MEGF6: variants seen among roughly 807,000 people sequenced by gnomAD.
MEGF6 encodes the protein multiple EGF like domains 6.
MEGF6 carries 184 observed loss-of-function variants against 207.1 expected under a neutral mutation model. The ratio of observed to expected loss-of-function variants is 0.89; its 90% CI spans 0.79 to 1.00. The LOEUF (loss-of-function observed/expected upper bound fraction) is 1.00. Among genes scored for constraint, MEGF6 ranks in the 50% least tolerant of loss-of-function variants. The pLI, the probability that MEGF6 is intolerant of heterozygous loss-of-function variation, is 0.00. For synonymous variants in MEGF6, 1,038 were observed against 910.0 expected, an observed-to-expected ratio of 1.14 and a Z score of -2.53; for missense variants, 2,282 against 2,202.9, an observed-to-expected ratio of 1.04 and a Z score of -0.72.
intron 3 of MEGF6, among the ~76,000 whole-genome samples, chr1:3,589,589 G>A (rs562787287): frequency 3.5e-4 from 53 of 152,194 alleles, no homozygotes; most frequent in African/African-American, 1.1e-3. Context: ...ACTTTACTCC[G>A]TAGCATTTCT....
chr1:3,517,551 C>T (rs1454630549), intron 5 of MEGF6, among the ~76,000 whole-genome samples: 5 of 152,356 alleles, frequency 3.3e-5, no homozygotes, highest in Admixed American at 2.0e-4. Context: ...TTTTCGCCAG[C>T]GCTGGGATAT....
chr1:3,612,561 T>C (rs1570263488), upstream of MEGF6, among the ~76,000 whole-genome samples: 1 of 152,234 alleles, frequency 6.6e-6, no homozygotes, highest in Non-Finnish European at 1.5e-5. Context: ...GGGCCAGGTG[T>C]GGCCCCCTCA....
chr1:3,601,036 C>G (rs12097827), intron 2 of MEGF6, among the ~76,000 whole-genome samples: 37 of 152,282 alleles, frequency 2.4e-4, no homozygotes, highest in East Asian at 9.7e-4. Flanking sequence ...AGTGCCCCCC[C>G]CTCCAAGCAG....
intron 4 of MEGF6, among the ~76,000 whole-genome samples, chr1:3,533,260 C>T (rs1398722129): frequency 6.6e-6 from 1 of 152,196 alleles, no homozygotes; most frequent in Non-Finnish European, 1.5e-5. Context: ...AGAGGCCAGC[C>T]CGCCCCCTTG....
At chr1:3,498,133 T>A (rs898957381) in intron 26 of MEGF6, among the ~76,000 whole-genome samples, 5 of 152,156 alleles carry the variant, frequency 3.3e-5, no homozygotes, top group African/African-American at 1.2e-4. Flanking sequence ...ACCACAGGGC[T>A]GGCTGGGGCT....
At chr1:3,499,528 C>T (rs1557719679) in intron 23 of MEGF6, 60 bp downstream of exon 23, 4 of 1,538,840 alleles carry the variant, frequency 2.6e-6, no homozygotes, top group Non-Finnish European at 3.5e-6. Flanking sequence ...AGGGAGTCTC[C>T]TACGGAGGAC....
chr1:3,552,780 G>T (rs896957555), intron 4 of MEGF6, among the ~76,000 whole-genome samples: 1 of 152,146 alleles, frequency 6.6e-6, no homozygotes, highest in Non-Finnish European at 1.5e-5. Flanking sequence ...GGAAAGGGCC[G>T]CTGTGCTCAC....
intron 13 of MEGF6, 48 bp from the exon 14 acceptor site, chr1:3,507,971 C>A: frequency 6.3e-7 from 1 of 1,583,510 alleles, no homozygotes; most frequent in Non-Finnish European, 8.6e-7. Flanking sequence ...CAGCACGACA[C>A]TCTGAGACCC....
At chr1:3,616,160 G>A (rs922275069), upstream of MEGF6, among the ~76,000 whole-genome samples, 9 of 152,210 alleles carry the variant, frequency 5.9e-5, no homozygotes, top group South Asian at 2.1e-4. Context: ...GCGGGCTGGC[G>A]GTTGCACGCT....
chr1:3,624,002 G>A, the MEGF6 span, among the ~76,000 whole-genome samples: 2 of 152,124 alleles, frequency 1.3e-5, no homozygotes, highest in African/African-American at 4.8e-5. Flanking sequence ...TCTCATCCCG[G>A]CGATTCTAAA....
At chr1:3,598,055 G>A (rs999349634) in intron 2 of MEGF6, among the ~76,000 whole-genome samples, 2 of 152,180 alleles carry the variant, frequency 1.3e-5, no homozygotes, top group Admixed American at 6.5e-5. Context: ...AGATGCGCCC[G>A]CCCCGGGCCT....
At chr1:3,602,737 GCCCATGCCAGTGC>G (rs1644180950) in intron 1 of MEGF6, 137 bp from the exon 2 acceptor site, 9 of 1,287,168 alleles carry the variant, frequency 7.0e-6, no homozygotes, top group Non-Finnish European at 8.3e-6. Flanking sequence ...ACGGCACAGT[GCCCATGCCAGTGC>G]CCCAGGCCAG....
At chr1:3,618,556 T>C in the MEGF6 span, among the ~76,000 whole-genome samples, 1 of 152,134 alleles carries the variant, frequency 6.6e-6, no homozygotes, top group Non-Finnish European at 1.5e-5. This position sits in a 1 kb window ranked among gnomAD's most constrained non-coding sequence, Gnocchi z 4.7. Context: ...CCCCTGCTAC[T>C]TCCCCGCAGC....
chr1:3,590,247 G>C (rs1378827659), intron 3 of MEGF6, among the ~76,000 whole-genome samples: 1 of 152,194 alleles, frequency 6.6e-6, no homozygotes, highest in Non-Finnish European at 1.5e-5. Flanking sequence ...CTGCCCACCG[G>C]GGAGCCCGGC....
chr1:3,549,508 G>A (rs189247389), intron 4 of MEGF6, among the ~76,000 whole-genome samples: 129 of 152,354 alleles, frequency 8.5e-4, no homozygotes, highest in African/African-American at 3.0e-3. Flanking sequence ...ATGGGGGGCT[G>A]CCTGGGGGCT....
At chr1:3,549,541 C>T (rs867432667) in intron 4 of MEGF6, among the ~76,000 whole-genome samples, 1 of 152,168 alleles carries the variant, frequency 6.6e-6, no homozygotes, top group Non-Finnish European at 1.5e-5. Context: ...TGGTCATGCT[C>T]GGGTCTGGGC....
rs1051734637 is a variant in MEGF6, at chr1:3,561,556, G to A, written c.481+18269C>T. Among the ~76,000 whole-genome samples the A allele has an allele frequency of 1.1e-4, 17 of 152,182 alleles. 1 individual carries two copies. The highest frequency in any genetic ancestry group is 4.1e-4 in the South Asian group (2 of 4,828). On this transcript the variant is annotated intron_variant, in intron 4 of 36. Coordinates refer to ENST00000356575, the MANE Select transcript of MEGF6 (RefSeq NM_001409.4). ...TGGATGGTCGGGGACCATGCACCCC[G>A]CAGGGACAGAGTCACAGACCCGGGG...
Position 3,488,008 on chromosome 1 carries a change from C to G in MEGF6, c.*2520G>C, listed in dbSNP as rs143366201. The stretch of plus-strand genomic sequence containing the variant: ...ATTGACAATAATTGTAGATATTCAT[C>G]GGATACACAGTGATGTTTTGATACA... On this transcript the variant is annotated 3_prime_UTR_variant, in exon 37 of 37. Transcript: ENST00000356575. Among the ~76,000 whole-genome samples, 1 of 152,140 alleles carries G rather than the reference C, an allele frequency of 6.6e-6. No homozygotes were observed. The highest frequency in any genetic ancestry group is 2.4e-5 in the African/African-American group (1 of 41,406).
At chr1:3,534,871 C>G (rs1022579558) in intron 4 of MEGF6, among the ~76,000 whole-genome samples, 8 of 152,254 alleles carry the variant, frequency 5.3e-5, no homozygotes, top group Admixed American at 4.6e-4. Flanking sequence ...TGGGGGCCAC[C>G]ACTCCAGCCC....
Sources: allele counts gnomAD v4.1 joint callset (sites outside exome capture counted in the v4.1 genomes callset), GRCh38; gene constraint gnomAD v4.1.1; non-coding constraint Gnocchi (gnomAD v3.1); transcripts MANE v1.5; gene names NCBI Gene and HGNC (gene_info 2026-07-23, HGNC 2026-07-21).